The following CTNNA3 variants were observed in gnomAD, a reference collection of about 807,000 sequenced individuals.
The protein encoded by CTNNA3 is catenin alpha 3.
CTNNA3 carries 76 observed loss-of-function variants against 95.7 expected under a neutral mutation model. That is an observed-to-expected ratio of 0.79 (90% CI 0.66 to 0.96). The LOEUF is 0.96. CTNNA3 is among the 40% of genes least tolerant of loss of function. The pLI is 0.00. For missense variants in CTNNA3, 1,191 were observed against 1,089.8 expected (o/e 1.09, Z -1.31); for synonymous variants, 431 against 374.4 (o/e 1.15, Z -1.74).
At chr10:66,555,313 T>C (rs1486523) in intron 10 of CTNNA3, among the ~76,000 whole-genome samples, 2,805 of 152,240 alleles carry the variant, frequency 0.018, 75 homozygotes, top group African/African-American at 0.064. Context: ...TCCTCTCAAC[T>C]GCTTCTTCCA....
chr10:67,219,858 G>T lies in CTNNA3; in HGVS notation c.592C>A (p.Pro198Thr), dbSNP rs777817815. 30 of 1,610,232 alleles carry T rather than the reference G, an allele frequency of 1.9e-5. No homozygotes were observed. The highest frequency in any genetic ancestry group is 3.3e-5 in the Admixed American group (2 of 59,818). ...CCTGCAATTTCATCTCTCTGATTTG[G>T]AGATTTTAAGTCCTGAGAAGGTAAA... Reference protein sequence around the residue: ...AFKRQQDLKSPNQRDEIAGAR... With the variant: ...AFKRQQDLKSTNQRDEIAGAR... Residue 198 changes from proline (P) to threonine (T), a missense_variant, in exon 6 of 18, where the codon CCA becomes ACA. Coordinates refer to ENST00000433211, the MANE Select transcript of CTNNA3 (RefSeq NM_013266.4).
At chr10:67,204,999 T>C (rs1436363079) in intron 6 of CTNNA3, among the ~76,000 whole-genome samples, 2 of 152,178 alleles carry the variant, frequency 1.3e-5, no homozygotes, top group African/African-American at 4.8e-5. Context: ...GTTGCAAATC[T>C]TGTGACCTCC....
chr10:66,457,267 C>T (rs981852820), intron 11 of CTNNA3, among the ~76,000 whole-genome samples: 1 of 151,902 alleles, frequency 6.6e-6, no homozygotes, highest in Non-Finnish European at 1.5e-5. Flanking sequence ...AAATGAAAAG[C>T]TAAACTTCAA....
intron 5 of CTNNA3, among the ~76,000 whole-genome samples, chr10:67,248,755 A>T (rs1308943370): frequency 6.6e-6 from 1 of 152,192 alleles, no homozygotes; most frequent in East Asian, 1.9e-4. Flanking sequence ...ATGCAAAAGA[A>T]AAAAGCTGGA....
chr10:67,027,344 T>C (rs764401681), intron 7 of CTNNA3, among the ~76,000 whole-genome samples: 3 of 152,150 alleles, frequency 2.0e-5, no homozygotes, highest in Non-Finnish European at 2.9e-5. Context: ...TCTTCTAAAA[T>C]TGGTATTCCT....
At chr10:67,307,320 C>G (rs527466328) in intron 5 of CTNNA3, among the ~76,000 whole-genome samples, 1 of 152,272 alleles carries the variant, frequency 6.6e-6, no homozygotes. Context: ...AAAGCAGTAT[C>G]TAATAACTGA....
chr10:67,009,257 C>A (rs1176811700), intron 7 of CTNNA3, among the ~76,000 whole-genome samples: 3 of 150,222 alleles, frequency 2.0e-5, no homozygotes, highest in Non-Finnish European at 4.4e-5. Context: ...CCTTTTTTTT[C>A]TTTTCCACAT....
At chr10:67,381,632 T>C (rs1192859822) in intron 5 of CTNNA3, among the ~76,000 whole-genome samples, 1 of 152,192 alleles carries the variant, frequency 6.6e-6, no homozygotes, top group Non-Finnish European at 1.5e-5. Context: ...TAAAAAATAG[T>C]ACATTTTAAC....
intron 7 of CTNNA3, among the ~76,000 whole-genome samples, chr10:66,861,186 G>A (rs1843907908): frequency 6.6e-6 from 1 of 152,144 alleles, no homozygotes; most frequent in Admixed American, 6.6e-5. Context: ...AAAAGAACTT[G>A]CATTAAAAAC....
At position 67,415,399 on chromosome 10, in the gene CTNNA3, A is replaced by T. The variant is rs75496995; in HGVS notation, c.579+106443T>A. 0.016 allele frequency among the ~76,000 whole-genome samples: 2,454 copies of T among 152,288 alleles called. 140 individuals carry two copies. In the East Asian group the frequency reaches 0.21, roughly 13 times the overall value. On this transcript the variant is annotated intron_variant, in intron 5 of 17. Transcript: ENST00000433211. Reference sequence around the variant, plus strand: ...AATCTAGAACACAATTCCACTTACAATAGCCACAAATAAAATGAAGTATCT... The same window carrying T: ...AATCTAGAACACAATTCCACTTACATTAGCCACAAATAAAATGAAGTATCT...
At chr10:67,350,471 T>C (rs1842588107) in intron 5 of CTNNA3, among the ~76,000 whole-genome samples, 1 of 151,320 alleles carries the variant, frequency 6.6e-6, no homozygotes, top group Admixed American at 6.6e-5. Flanking sequence ...CCTTAATAAA[T>C]GGACTAAAGC....
intron 17 of CTNNA3, among the ~76,000 whole-genome samples, chr10:65,947,477 T>C (rs1298415601): frequency 6.6e-6 from 1 of 152,196 alleles, no homozygotes; most frequent in African/African-American, 2.4e-5. Flanking sequence ...TGCTACATGC[T>C]GGACACTAGG....
At chr10:67,202,458 TG>T (rs1389643755) in intron 6 of CTNNA3, among the ~76,000 whole-genome samples, 1 of 152,150 alleles carries the variant, frequency 6.6e-6, no homozygotes, top group Non-Finnish European at 1.5e-5. Flanking sequence ...TTTATCAAAC[TG>T]TATCTTAAAA....
At chr10:66,157,078 A>G (rs1903768) in intron 13 of CTNNA3, among the ~76,000 whole-genome samples, 149,957 of 152,022 alleles carry the variant, frequency 0.99, 73,999 homozygotes, top group South Asian at 1. Flanking sequence ...TTGGGGTACA[A>G]GTGGTATTGG....
chr10:67,597,343 G>T (rs960613118), intron 3 of CTNNA3, among the ~76,000 whole-genome samples: 1 of 152,206 alleles, frequency 6.6e-6, no homozygotes, highest in Non-Finnish European at 1.5e-5. Flanking sequence ...TTGACTTTTA[G>T]AGTGGCCAGA....
chr10:66,608,445 A>T (rs1414770857), intron 10 of CTNNA3, among the ~76,000 whole-genome samples: 1 of 152,156 alleles, frequency 6.6e-6, no homozygotes, highest in African/African-American at 2.4e-5. Flanking sequence ...TATAAAAAAA[A>T]CTATTTTAAA....
chr10:66,908,060 C>A (rs1476354064), intron 7 of CTNNA3, among the ~76,000 whole-genome samples: 6 of 152,144 alleles, frequency 3.9e-5, no homozygotes, highest in Non-Finnish European at 8.8e-5. Flanking sequence ...GCTAGAAGTT[C>A]TATTTGATGG....
At chr10:67,310,735 A>G (rs1453671860) in intron 5 of CTNNA3, among the ~76,000 whole-genome samples, 1 of 152,128 alleles carries the variant, frequency 6.6e-6, no homozygotes, top group Non-Finnish European at 1.5e-5. Flanking sequence ...AAAACCATCA[A>G]TCTTGTAAGA....
At chr10:66,706,496 T>C (rs1469344722) in intron 9 of CTNNA3, among the ~76,000 whole-genome samples, 1 of 151,998 alleles carries the variant, frequency 6.6e-6, no homozygotes, top group East Asian at 1.9e-4. Flanking sequence ...GAGCATATTA[T>C]TGACTGTGTA....
Sources: allele counts gnomAD v4.1 joint callset (sites outside exome capture counted in the v4.1 genomes callset), GRCh38; gene constraint gnomAD v4.1.1; transcripts MANE v1.5; gene names NCBI Gene and HGNC (gene_info 2026-07-23, HGNC 2026-07-21).